GSE1: variants seen among roughly 807,000 people sequenced by gnomAD.
GSE1 encodes the protein Gse1 coiled-coil protein, also known as genetic suppressor element 1.
Under a neutral mutation model 112.6 loss-of-function variants are expected in GSE1, and 32 were observed. The ratio of observed to expected loss-of-function variants is 0.28; its 90% confidence interval spans 0.21 to 0.38. The LOEUF (loss-of-function observed/expected upper bound fraction) is 0.38. Among genes scored for constraint, GSE1 ranks in the 10% least tolerant of loss-of-function variants. The pLI, the probability that GSE1 is intolerant of heterozygous loss-of-function variation, is 1.00. For synonymous variants in GSE1, 1,115 were observed against 735.6 expected, an observed-to-expected ratio of 1.52 and a Z score of -8.35; for missense variants, 2,348 against 1,699.2, an observed-to-expected ratio of 1.38 and a Z score of -6.71.
At chr16:85,503,385 C>G (rs1015513529) in intron 2 of GSE1, among the ~76,000 whole-genome samples, 1 of 152,174 alleles carries the variant, frequency 6.6e-6, no homozygotes, top group Non-Finnish European at 1.5e-5. Context: ...CCTCAGCTGC[C>G]GCTCCTCCTC....
intron 1 of GSE1, among the ~76,000 whole-genome samples, chr16:85,174,804 A>G (rs1454931010): frequency 1.3e-5 from 2 of 152,206 alleles, no homozygotes; most frequent in Non-Finnish European, 2.9e-5. Flanking sequence ...GGCTCCGGGC[A>G]GGGGAGAAGC....
chr16:85,477,623 C>A (rs548116023), intron 2 of GSE1, among the ~76,000 whole-genome samples: 1 of 150,014 alleles, frequency 6.7e-6, no homozygotes, highest in Non-Finnish European at 1.5e-5. Flanking sequence ...TGCAGTGGCG[C>A]GATCTCGGCT....
At chr16:85,454,096 G>A (rs1405660463) in intron 2 of GSE1, among the ~76,000 whole-genome samples, 1 of 152,202 alleles carries the variant, frequency 6.6e-6, no homozygotes, top group Non-Finnish European at 1.5e-5. Context: ...CCCTGAACGT[G>A]GGGAGAATAT....
At chr16:85,180,592 A>G (rs975436643) in intron 1 of GSE1, among the ~76,000 whole-genome samples, 4 of 152,244 alleles carry the variant, frequency 2.6e-5, no homozygotes, top group African/African-American at 9.6e-5. Context: ...TCACTGTCTT[A>G]TAAGTGGGCT....
At chr16:85,381,537 C>G (rs181405255) in intron 2 of GSE1, among the ~76,000 whole-genome samples, 67 of 152,318 alleles carry the variant, frequency 4.4e-4, no homozygotes, top group African/African-American at 1.5e-3. Flanking sequence ...ATACGTAGCT[C>G]TTGTTGGGTG....
At chr16:85,515,112 G>C (rs1458060505) in intron 2 of GSE1, among the ~76,000 whole-genome samples, 6 of 152,218 alleles carry the variant, frequency 3.9e-5, no homozygotes, top group Non-Finnish European at 8.8e-5. Flanking sequence ...CGCCTCCGGG[G>C]AGCCCAGGAG....
At chr16:85,503,024 C>G (rs948829063) in intron 2 of GSE1, among the ~76,000 whole-genome samples, 1 of 152,176 alleles carries the variant, frequency 6.6e-6, no homozygotes, top group Admixed American at 6.5e-5. Context: ...CATGAGGAGA[C>G]CACACTGAGC....
Position 85,460,637 on chromosome 16 carries a change from T to C in GSE1, c.2464+102994T>C, listed in dbSNP as rs533161570. On this transcript the variant is annotated intron_variant, in intron 2 of 2. Transcript: ENST00000637419. ...CTCCAAGCTGGGCAAGAGCCGGCAG[T>C]GACCTCTCCTTGCCCGAGCTAATGT... 3.9e-5 allele frequency among the ~76,000 whole-genome samples: 6 copies of C among 152,364 alleles called. No individual in the cohort carries two copies. The South Asian group carries it at 1.2e-3, about 32-fold the overall frequency.
In GSE1 at chr16:85,292,410, C is replaced by A. The variant is rs367948680; in HGVS notation, c.2284-65053C>A. ...GTGGCGCGATCTTGGCTCACTGCAA[C>A]CTCCGCCTCCCGGGTTCAAGCGATT... On this transcript the variant is annotated intron_variant, in intron 1 of 2. Transcript: ENST00000637419. 2.7e-3 allele frequency among the ~76,000 whole-genome samples: 402 copies of A among 151,578 alleles called. 2 individuals carry two copies. In the South Asian group the frequency reaches 0.033, roughly 13 times the overall value.
chr16:85,282,790 A>G (rs1198851393), intron 1 of GSE1, among the ~76,000 whole-genome samples: 2 of 152,244 alleles, frequency 1.3e-5, no homozygotes, highest in African/African-American at 4.8e-5. Flanking sequence ...ACAAATTTGC[A>G]TAATTCTGTG....
intron 1 of GSE1, among the ~76,000 whole-genome samples, chr16:85,233,925 T>C (rs1904338444): frequency 6.6e-6 from 1 of 152,104 alleles, no homozygotes; most frequent in Non-Finnish European, 1.5e-5. Context: ...TGTCCACACA[T>C]GGCAGGGATC....
intron 2 of GSE1, among the ~76,000 whole-genome samples, chr16:85,528,207 C>T (rs952599440): frequency 4.6e-5 from 7 of 152,244 alleles, no homozygotes; most frequent in African/African-American, 1.4e-4. Context: ...CTCGAACAAA[C>T]AGATCAACAG....
intron 1 of GSE1, among the ~76,000 whole-genome samples, chr16:85,182,444 T>C (rs1219479472): frequency 1.3e-5 from 2 of 152,226 alleles, no homozygotes; most frequent in Admixed American, 1.3e-4. Flanking sequence ...CCTGGCGGCC[T>C]GGTCCCTGCA....
chr16:85,456,640 G>GT (rs1567502072), intron 2 of GSE1, among the ~76,000 whole-genome samples: 177 of 139,542 alleles, frequency 1.3e-3, no homozygotes, highest in African/African-American at 2.2e-3. Flanking sequence ...GTGTGTGTGT[G>GT]GTCTGCCATT....
At chr16:85,286,938 C>A (rs1450605363) in intron 1 of GSE1, among the ~76,000 whole-genome samples, 1 of 152,210 alleles carries the variant, frequency 6.6e-6, no homozygotes, top group African/African-American at 2.4e-5. Flanking sequence ...GGAAGAGAAG[C>A]CTTTGCAAAA....
Position 85,666,114 on chromosome 16 carries a change from T to C in GSE1, c.2897T>C (p.Leu966Pro), listed in dbSNP as rs761810797. The change falls in exon 13 of 16, where the codon CTA becomes CCA. Residue 966 changes from leucine to proline, a missense_variant. Physicochemically the swap from Leu to Pro is moderately conservative, Grantham distance 98 (BLOSUM62 -3). Coordinates refer to ENST00000253458, the MANE Select transcript of GSE1 (RefSeq NM_014615.5). ...RPQELSRVQE[L>P]APASGEKARL... is the part of the protein sequence containing the mutation. Reference sequence around the variant, plus strand: ...CAGGAGCTGTCGAGAGTCCAGGAGCTAGCTCCTGCCAGCGGGGAGAAGGCC... The same window carrying C: ...CAGGAGCTGTCGAGAGTCCAGGAGCCAGCTCCTGCCAGCGGGGAGAAGGCC... 1.9e-6 allele frequency: 3 copies of C among 1,613,270 alleles called. No homozygotes were observed.
At chr16:85,198,294 T>G (rs539140650) in intron 1 of GSE1, among the ~76,000 whole-genome samples, 1 of 152,068 alleles carries the variant, frequency 6.6e-6, no homozygotes, top group Admixed American at 6.5e-5. Flanking sequence ...GAGGAAAGGG[T>G]CCTCTCTACG....
chr16:85,263,612 G>A (rs991557707), intron 1 of GSE1, among the ~76,000 whole-genome samples: 10 of 149,874 alleles, frequency 6.7e-5, no homozygotes, highest in East Asian at 5.9e-4. Context: ...TCAGTTTGTC[G>A]CCCAGGCTGG....
chr16:85,597,401 A>G (rs1005413444), intron 1 of GSE1, among the ~76,000 whole-genome samples: 2 of 151,304 alleles, frequency 1.3e-5, no homozygotes, highest in Non-Finnish European at 2.9e-5. Context: ...AAAAAAAAGA[A>G]GAAGAAAGTT....
Sources: gnomAD v4.1 joint callset for allele counts (sites outside exome capture counted in the v4.1 genomes callset) on GRCh38, gnomAD v4.1.1 for gene constraint, MANE v1.5 for transcripts, NCBI Gene and HGNC (gene_info 2026-07-23, HGNC 2026-07-21) for gene names.